ZNF773: variants seen among roughly 807,000 people sequenced by gnomAD.
ZNF773 encodes zinc finger protein 419B.
ZNF773 carries 11 observed loss-of-function variants against 12.8 expected under a neutral mutation model. The observed-to-expected ratio is 0.86, with a 90% CI of 0.54 to 1.42. The LOEUF (loss-of-function observed/expected upper bound fraction) is 1.42. Among genes scored for constraint, ZNF773 ranks in the 40% most tolerant of loss-of-function variants. The pLI, the probability that ZNF773 is intolerant of heterozygous loss-of-function variation, is 0.00. For missense variants in ZNF773, 518 were observed against 527.2 expected (o/e 0.98, Z 0.17); for synonymous variants, 175 against 178.4 (o/e 0.98, Z 0.15).
In ZNF773 at chr19:57,507,609, C is replaced by G; in HGVS notation, c.*185C>G. Reference sequence around the variant, plus strand: ...TAAAAGGCCTCAGCCAAAGGCCTAACCGTATTCAACACCAGAAAGTTTAGA... The same window carrying G: ...TAAAAGGCCTCAGCCAAAGGCCTAAGCGTATTCAACACCAGAAAGTTTAGA... On this transcript the variant is annotated 3_prime_UTR_variant, in exon 4 of 4. Transcript: ENST00000282292. 7.1e-7 allele frequency: 1 copy of G among 1,402,030 alleles called. No individual in the cohort carries two copies. 86.8% of individuals were successfully genotyped at this position (1,402,030 alleles called of 1,614,324 possible). A position where few individuals can be genotyped will look rare whatever the true frequency, so the allele number is the denominator to read the frequency against.
intron 1 of ZNF773, 34 bp downstream of exon 1, chr19:57,500,147 C>T (rs1193897613): frequency 1.3e-6 from 2 of 1,589,884 alleles, no homozygotes; most frequent in Non-Finnish European, 1.7e-6. Context: ...TCCCCCGAAT[C>T]CTAAAGCCCT....
At position 57,506,697 on chromosome 19, in the gene ZNF773, G is replaced by T. The variant is rs768685751; in HGVS notation, c.602G>T (p.Gly201Val). The change falls in exon 4 of 4, where the codon GGT becomes GTT. Residue 201 changes from glycine to valine, a missense_variant. Coordinates refer to ENST00000282292, the MANE Select transcript of ZNF773 (RefSeq NM_198542.3). ...TGCAGTGAATGTGGGAAAGCCTTTG[G>T]TCAGAAATATTTACTTGTTCAGCAC... Reference protein sequence around the residue: ...YKCSECGKAFGQKYLLVQHQR... With the variant: ...YKCSECGKAFVQKYLLVQHQR... The T allele has an allele frequency of 6.2e-7, 1 of 1,614,236 alleles. No individual in the cohort carries two copies. Among genetic ancestry groups the T allele is most frequent in the Non-Finnish European group, 8.5e-7 (1 of 1,180,038 alleles).
downstream of ZNF773, chr19:57,512,944 G>T: frequency 7.0e-7 from 1 of 1,435,656 alleles, no homozygotes. Context: ...TTGTTCCCTA[G>T]AAGCAAGGAG....
downstream of ZNF773, chr19:57,515,879 A>C (rs1380849555): frequency 6.6e-6 from 1 of 152,158 alleles, no homozygotes; most frequent in African/African-American, 2.4e-5. Flanking sequence ...ATTTACTTTA[A>C]ATTTTTTGAC....
chr19:57,512,811 T>C (rs1026955495), downstream of ZNF773, among the ~76,000 whole-genome samples: 2 of 151,710 alleles, frequency 1.3e-5, no homozygotes, highest in Admixed American at 6.6e-5. Context: ...ACATCTGGAG[T>C]CTGTTGTATA....
intron 3 of ZNF773, among the ~76,000 whole-genome samples, chr19:57,505,998 C>G (rs964428192): frequency 1.3e-5 from 2 of 152,152 alleles, no homozygotes; most frequent in South Asian, 2.1e-4. Context: ...CATGAGGCAC[C>G]GCGCCCATCC....
chr19:57,513,091 A>C (rs1368829016), downstream of ZNF773: 2 of 1,505,456 alleles, frequency 1.3e-6, no homozygotes, highest in Non-Finnish European at 1.8e-6. Flanking sequence ...GGAGCAGAGA[A>C]AGTGAAACTG....
At chr19:57,509,102 G>A (rs1197072965), downstream of ZNF773, among the ~76,000 whole-genome samples, 1 of 152,094 alleles carries the variant, frequency 6.6e-6, no homozygotes, top group East Asian at 1.9e-4. Context: ...GCTTGGCCTT[G>A]TTTTCAGTTC....
rs1003077421 is a variant in ZNF773, at chr19:57,506,714, G to C, written c.619G>C (p.Val207Leu). The C allele has an allele frequency of 1.2e-6, 2 of 1,614,104 alleles. No individual in the cohort carries two copies. The highest frequency in any genetic ancestry group is 2.7e-5 in the African/African-American group (2 of 74,924). Residue 207 changes from valine to leucine, a missense_variant, in exon 4 of 4, where the codon GTT becomes CTT. Physicochemically the swap from Val to Leu is conservative, Grantham distance 32 (BLOSUM62 1). Coordinates refer to ENST00000282292, the MANE Select transcript of ZNF773 (RefSeq NM_198542.3). Reference sequence around the variant, plus strand: ...AGCCTTTGGTCAGAAATATTTACTTGTTCAGCACCAGAGACTGCACACTGG... The same window carrying C: ...AGCCTTTGGTCAGAAATATTTACTTCTTCAGCACCAGAGACTGCACACTGG... ...GKAFGQKYLL[V>L]QHQRLHTGEK...
downstream of ZNF773, among the ~76,000 whole-genome samples, chr19:57,511,274 A>C (rs2089793192): frequency 2.0e-5 from 3 of 151,988 alleles, no homozygotes. Flanking sequence ...GATGGTCTCG[A>C]TCTCCTGACC....
At position 57,506,443 on chromosome 19, in the gene ZNF773, GA is replaced by G; in HGVS notation, c.350del (p.Lys117SerfsTer9). On this transcript the variant is annotated frameshift_variant, in exon 4 of 4. Transcript: ENST00000282292. LOFTEE classifies it low-confidence loss of function (END_TRUNC). ...CCAGTTCAAACGTTCAGCAACACCA[GA>G]AGCAGCACTGTGGAGAGAAACCCTT... Reference protein sequence around the residue: ...VPSSNVQQHQKQHCGEKPLKR... With the variant: ...VPSSNVQQHQXQHCGEKPLKR... 1 of 1,614,254 alleles carries G rather than the reference GA, an allele frequency of 6.2e-7. No homozygotes were observed. Among genetic ancestry groups the G allele is most frequent in the South Asian group, 1.1e-5 (1 of 91,086 alleles).
intron 1 of ZNF773, among the ~76,000 whole-genome samples, chr19:57,502,662 G>T (rs1361909027): frequency 6.6e-6 from 1 of 152,094 alleles, no homozygotes; most frequent in Non-Finnish European, 1.5e-5. Flanking sequence ...CGTAGGAGAT[G>T]TGGTTGAAGT....
downstream of ZNF773, chr19:57,513,163 A>C (rs1355126100): frequency 7.7e-7 from 1 of 1,301,932 alleles, no homozygotes; most frequent in Non-Finnish European, 1.0e-6. Flanking sequence ...TCAGTGCCCT[A>C]AAGAGGTACT....
rs369211415 is a variant in ZNF773, at chr19:57,507,233, G to C, written c.1138G>C (p.Val380Leu). ...QSSSLMQHRKVHTGEKPFKCN... is the reference protein window; with the variant it reads ...QSSSLMQHRKLHTGEKPFKCN... ...CTCAAGCCTCATGCAACATCGAAAA[G>C]TTCACACTGGAGAAAAACCTTTTAA... The change falls in exon 4 of 4, where the codon GTT becomes CTT. Residue 380 changes from valine to leucine, a missense_variant. Coordinates refer to ENST00000282292, the MANE Select transcript of ZNF773 (RefSeq NM_198542.3). The C allele has an allele frequency of 6.2e-7, 1 of 1,610,950 alleles. No homozygotes were observed. Among genetic ancestry groups the C allele is most frequent in the Non-Finnish European group, 8.5e-7 (1 of 1,177,844 alleles).
At chr19:57,502,983 G>A (rs1009788782) in intron 1 of ZNF773, among the ~76,000 whole-genome samples, 4 of 152,192 alleles carry the variant, frequency 2.6e-5, no homozygotes, top group African/African-American at 7.2e-5. Context: ...GAGCCACAGC[G>A]CCTAGCCAGA....
intron 1 of ZNF773, among the ~76,000 whole-genome samples, chr19:57,503,465 A>G (rs1463667743): frequency 6.6e-6 from 1 of 152,056 alleles, no homozygotes; most frequent in Non-Finnish European, 1.5e-5. Flanking sequence ...TAGACATGAG[A>G]TGGACATGAA....
downstream of ZNF773, chr19:57,514,961 G>C (rs1252722450): frequency 1.3e-5 from 2 of 152,220 alleles, no homozygotes; most frequent in African/African-American, 4.8e-5. Flanking sequence ...AGGCTGTGCA[G>C]CTATTTATGG....
chr19:57,506,605 G>A lies in ZNF773; in HGVS notation c.510G>A (p.Thr170=), dbSNP rs149516480. 1.8e-4 allele frequency: 295 copies of A among 1,614,136 alleles called. No individual in the cohort carries two copies. Among genetic ancestry groups the A allele is most frequent in the Middle Eastern group, 3.3e-4 (2 of 6,062 alleles). ...TTCTCAAGCACCAGGTGACTCACAC[G>A]GGAGAGAAGTCACATAGGAGCTCCA... ...SGVLKHQVTH[T]GEKSHRSSKS... is the part of the protein sequence containing the mutation. Residue 170 remains threonine (T), a synonymous_variant, in exon 4 of 4, where the codon ACG becomes ACA. Transcript: ENST00000282292.
intron 1 of ZNF773, among the ~76,000 whole-genome samples, chr19:57,502,398 A>G (rs2089680569): frequency 6.6e-6 from 1 of 152,234 alleles, no homozygotes; most frequent in Non-Finnish European, 1.5e-5. Flanking sequence ...GGGAAGCATC[A>G]GCAGGTATAA....
Sources: gnomAD v4.1 joint callset for allele counts (sites outside exome capture counted in the v4.1 genomes callset) on GRCh38, gnomAD v4.1.1 for gene constraint, MANE v1.5 for transcripts, NCBI Gene and HGNC (gene_info 2026-07-23, HGNC 2026-07-21) for gene names.